The following CPNE4 variants were observed in gnomAD, a reference collection of about 807,000 sequenced individuals.
CPNE4 encodes copine-4.
In CPNE4, 25 loss-of-function variants were observed where a neutral mutation model predicts 67.9. The observed-to-expected ratio is 0.37, with a 90% CI of 0.27 to 0.51. The LOEUF is 0.51. Ranked by LOEUF, CPNE4 falls within the 20% of genes least tolerant of loss-of-function variation. The probability of loss-of-function intolerance (pLI) is 0.93; values close to 1 mark genes in which losing one functional copy is unlikely to be tolerated. For synonymous variants in CPNE4, 242 were observed against 244.9 expected, an observed-to-expected ratio of 0.99 and a Z score of 0.11; for missense variants, 464 against 690.8, an observed-to-expected ratio of 0.67 and a Z score of 3.68.
chr3:131,889,466 T>A (rs1324022878), intron 2 of CPNE4, among the ~76,000 whole-genome samples: 2 of 152,214 alleles, frequency 1.3e-5, no homozygotes, highest in Non-Finnish European at 2.9e-5. Flanking sequence ...TACAACAGCC[T>A]CCTAAGTCAT....
intron 2 of CPNE4, among the ~76,000 whole-genome samples, chr3:131,904,785 C>T (rs2088682088): frequency 6.6e-6 from 1 of 152,110 alleles, no homozygotes; most frequent in Non-Finnish European, 1.5e-5. Context: ...CTCATTCCAT[C>T]TGAGTAGTCA....
chr3:131,823,902 C>A (rs1464376228), intron 2 of CPNE4, among the ~76,000 whole-genome samples: 1 of 152,100 alleles, frequency 6.6e-6, no homozygotes, highest in Non-Finnish European at 1.5e-5. Flanking sequence ...TGGGTACAAC[C>A]AATATTTCAT....
intron 8 of CPNE4, 28 bp from the exon 9 acceptor site, chr3:131,581,693 C>G (rs750127465): frequency 3.9e-6 from 6 of 1,543,846 alleles, no homozygotes; most frequent in Non-Finnish European, 5.4e-6. Context: ...GCATGAGAAT[C>G]TGTTCAGGAA....
chr3:131,879,966 A>G (rs1179952624), intron 2 of CPNE4, among the ~76,000 whole-genome samples: 1 of 152,084 alleles, frequency 6.6e-6, no homozygotes, highest in Admixed American at 6.6e-5. Context: ...AAAGTTGAAT[A>G]TGCTTTCCCC....
intron 10 of CPNE4, among the ~76,000 whole-genome samples, chr3:131,566,960 G>A (rs1937087686): frequency 6.6e-6 from 1 of 151,912 alleles, no homozygotes; most frequent in South Asian, 2.1e-4. Flanking sequence ...GGCAGGTGTT[G>A]CTACTTTATT....
chr3:131,861,729 G>A (rs751326184), intron 2 of CPNE4, among the ~76,000 whole-genome samples: 7 of 151,778 alleles, frequency 4.6e-5, no homozygotes, highest in Non-Finnish European at 8.8e-5. Context: ...CACCAAGCCC[G>A]GCCTAGGATA....
chr3:131,580,807 G>A (rs193190541), intron 9 of CPNE4, among the ~76,000 whole-genome samples: 4 of 152,228 alleles, frequency 2.6e-5, no homozygotes, highest in East Asian at 1.9e-4. Context: ...GAAGGAATTC[G>A]TAAGCCCTTT....
intron 2 of CPNE4, among the ~76,000 whole-genome samples, chr3:131,791,409 G>C (rs2083715226): frequency 6.6e-6 from 1 of 152,098 alleles, no homozygotes; most frequent in Non-Finnish European, 1.5e-5. Context: ...TTTGTGGAAA[G>C]AAAAGAACTG....
At chr3:131,642,257 T>G (rs1448091814) in intron 7 of CPNE4, among the ~76,000 whole-genome samples, 1 of 151,208 alleles carries the variant, frequency 6.6e-6, no homozygotes. Flanking sequence ...AACAGCATGG[T>G]GTAAGACTAT....
At chr3:131,652,344 T>C (rs971702526) in intron 7 of CPNE4, among the ~76,000 whole-genome samples, 1 of 152,246 alleles carries the variant, frequency 6.6e-6, no homozygotes, top group African/African-American at 2.4e-5. Context: ...TTTAGGAGAT[T>C]GTCACCAGGT....
chr3:131,989,279 A>G (rs2073123219), intron 1 of CPNE4, among the ~76,000 whole-genome samples: 1 of 152,238 alleles, frequency 6.6e-6, no homozygotes, highest in Admixed American at 6.5e-5. Context: ...ACGTGAAAAT[A>G]TAGGAGTTTA....
At chr3:131,883,599 C>T (rs377733258) in intron 2 of CPNE4, among the ~76,000 whole-genome samples, 1 of 152,162 alleles carries the variant, frequency 6.6e-6, no homozygotes, top group Non-Finnish European at 1.5e-5. Flanking sequence ...CTTACCATTG[C>T]CTAAAAAGCC....
At chr3:131,791,755 G>A (rs990893192) in intron 2 of CPNE4, among the ~76,000 whole-genome samples, 7 of 152,216 alleles carry the variant, frequency 4.6e-5, no homozygotes, top group Non-Finnish European at 1.0e-4. Flanking sequence ...TGTTACTTAG[G>A]TGAATCAATT....
chr3:131,643,565 G>T (rs2369131), intron 7 of CPNE4, among the ~76,000 whole-genome samples: 22,011 of 152,166 alleles, frequency 0.14, 1,895 homozygotes, highest in African/African-American at 0.24. Flanking sequence ...TGGGGGACTG[G>T]TGGAAAGGCA....
chr3:131,759,390 C>G (rs904727981), intron 2 of CPNE4, among the ~76,000 whole-genome samples: 4 of 152,092 alleles, frequency 2.6e-5, no homozygotes, highest in African/African-American at 9.7e-5. Context: ...GAGTTCTTGC[C>G]ATCTTCTATT....
chr3:131,941,645 A>C (rs1280679304), intron 1 of CPNE4, among the ~76,000 whole-genome samples: 1 of 152,132 alleles, frequency 6.6e-6, no homozygotes. Flanking sequence ...AAGTGATTCA[A>C]TAAAAGGCTA....
chr3:131,817,223 T>C (rs534176392), intron 2 of CPNE4, among the ~76,000 whole-genome samples: 1 of 151,612 alleles, frequency 6.6e-6, no homozygotes, highest in South Asian at 2.1e-4. Flanking sequence ...GGAGTGGGAG[T>C]GTAGCCGTGA....
intron 1 of CPNE4, among the ~76,000 whole-genome samples, chr3:131,937,440 A>G (rs2071255429): frequency 6.6e-6 from 1 of 152,208 alleles, no homozygotes; most frequent in African/African-American, 2.4e-5. Flanking sequence ...TTTAGTTATA[A>G]AGGCCACTGA....
At chr3:131,940,343 G>A (rs1439070720) in intron 1 of CPNE4, among the ~76,000 whole-genome samples, 2 of 152,078 alleles carry the variant, frequency 1.3e-5, no homozygotes, top group African/African-American at 2.4e-5. Context: ...GCACACAGGG[G>A]AGAGAAATAA....
Sources: allele counts gnomAD v4.1 joint callset (sites outside exome capture counted in the v4.1 genomes callset), GRCh38; gene constraint gnomAD v4.1.1; transcripts MANE v1.5; gene names NCBI Gene and HGNC (gene_info 2026-07-23, HGNC 2026-07-21).